Variants in C1orf87 observed in about 807,000 individuals in gnomAD.
C1orf87 encodes uncharacterized protein C1orf87.
C1orf87 carries 58 observed loss-of-function variants against 60.5 expected under a neutral mutation model. The ratio of observed to expected loss-of-function variants is 0.96; its 90% CI spans 0.78 to 1.19. The LOEUF (loss-of-function observed/expected upper bound fraction) is 1.19. Among genes scored for constraint, C1orf87 ranks in the 50% most tolerant of loss-of-function variants. The pLI, the probability that C1orf87 is intolerant of heterozygous loss-of-function variation, is 0.00. For synonymous variants in C1orf87, 236 were observed against 227.4 expected (o/e 1.04, Z -0.34); for missense variants, 673 against 638.6 (o/e 1.05, Z -0.58).
intron 7 of C1orf87, among the ~76,000 whole-genome samples, chr1:60,029,704 G>T (rs970780764): frequency 4.1e-5 from 6 of 145,012 alleles, no homozygotes; most frequent in African/African-American, 7.7e-5. Context: ...GCAGTGGCAG[G>T]ATCTCAGCTT....
At chr1:59,994,060 T>C (rs1474242467) in intron 11 of C1orf87, among the ~76,000 whole-genome samples, 1 of 152,130 alleles carries the variant, frequency 6.6e-6, no homozygotes, top group African/African-American at 2.4e-5. Context: ...CACCCCACCA[T>C]AAGAACATTT....
At position 60,054,725 on chromosome 1, in the gene C1orf87, G is replaced by A. The variant is rs573697192; in HGVS notation, c.342+479C>T. Among the ~76,000 whole-genome samples, 3 of 152,256 alleles carry A rather than the reference G, an allele frequency of 2.0e-5. No homozygotes were observed. The South Asian group carries it at 6.2e-4, about 32-fold the overall frequency. On this transcript the variant is annotated intron_variant, in intron 3 of 11. Coordinates refer to ENST00000371201, the MANE Select transcript of C1orf87 (RefSeq NM_152377.3). ...TCATCAAGTTAGTTTGTTATGAATT[G>A]TTTGGTTGATTGTTAACAGAGTGCA...
intron 2 of C1orf87, among the ~76,000 whole-genome samples, chr1:60,057,746 C>T (rs185821461): frequency 2.6e-4 from 40 of 152,132 alleles, no homozygotes; most frequent in Admixed American, 5.2e-4. Context: ...TGGGTCTCAT[C>T]GGGGAAATGA....
At chr1:59,994,316 T>C (rs191249324) in intron 11 of C1orf87, among the ~76,000 whole-genome samples, 26 of 152,076 alleles carry the variant, frequency 1.7e-4, no homozygotes, top group Admixed American at 1.7e-3. Context: ...TAGTATGTCA[T>C]GGGACTGGGT....
chr1:60,048,102 T>C (rs1449158416), intron 3 of C1orf87, among the ~76,000 whole-genome samples: 2 of 152,196 alleles, frequency 1.3e-5, no homozygotes, highest in African/African-American at 4.8e-5. Flanking sequence ...TGGAATACTG[T>C]GGAAGTGATG....
At chr1:60,042,684 C>G (rs1478634666) in intron 3 of C1orf87, among the ~76,000 whole-genome samples, 1 of 152,190 alleles carries the variant, frequency 6.6e-6, no homozygotes, top group East Asian at 1.9e-4. Context: ...GTAGGTAGTA[C>G]TAGCAACCTT....
intron 4 of C1orf87, among the ~76,000 whole-genome samples, chr1:60,040,755 A>ATT (rs34709077): frequency 0.018 from 2,443 of 132,100 alleles, 89 homozygotes; most frequent in African/African-American, 0.064. Context: ...ACTGTCTTTA[A>ATT]TTTTTTTTTT....
intron 8 of C1orf87, among the ~76,000 whole-genome samples, chr1:60,014,018 T>C (rs1221966894): frequency 1.3e-5 from 2 of 152,176 alleles, no homozygotes; most frequent in Non-Finnish European, 2.9e-5. Context: ...TTATCAGATA[T>C]TACCTTCATC....
intron 3 of C1orf87, among the ~76,000 whole-genome samples, chr1:60,049,654 A>G (rs571968922): frequency 6.6e-6 from 1 of 152,238 alleles, no homozygotes; most frequent in African/African-American, 2.4e-5. Context: ...GTCACAGTTA[A>G]GAAAGTTTCC....
At chr1:60,007,406 A>G (rs1041181005) in intron 9 of C1orf87, among the ~76,000 whole-genome samples, 1 of 152,086 alleles carries the variant, frequency 6.6e-6, no homozygotes, top group African/African-American at 2.4e-5. Flanking sequence ...CCTTTTATAG[A>G]TTCAAATTCT....
rs1645254363 is a variant in C1orf87 at position 60,033,565 on chromosome 1, T to C, written c.940A>G (p.Thr314Ala). The C allele has an allele frequency of 1.2e-6, 2 of 1,613,728 alleles. No individual in the cohort carries two copies. Among genetic ancestry groups the C allele is most frequent in the Non-Finnish European group, 8.5e-7 (1 of 1,179,782 alleles). Residue 314 changes from threonine (T) to alanine (A), a missense_variant, in exon 7 of 12, where the codon ACA becomes GCA. Transcript: ENST00000371201. The stretch of plus-strand genomic sequence containing the variant: ...TCTATGTTGAGTCTGCCATTGGTTG[T>C]CCTTAGTGCCATCTTCAAAATCTCC... ...LLEILKMALR[T>A]TNGRLNIDNL...
intron 5 of C1orf87, 140 bp from the exon 6 acceptor site, chr1:60,038,247 G>A: frequency 2.0e-6 from 1 of 498,328 alleles, no homozygotes; most frequent in Non-Finnish European, 3.6e-6. Context: ...CATAATTATT[G>A]GTGCTTTTTA....
At chr1:60,063,247 G>A (rs542534789) in intron 2 of C1orf87, among the ~76,000 whole-genome samples, 3 of 152,126 alleles carry the variant, frequency 2.0e-5, no homozygotes, top group South Asian at 2.1e-4. Flanking sequence ...TTGATCAGTT[G>A]TTTCTAAAAA....
At chr1:60,028,181 A>G (rs963183734) in intron 7 of C1orf87, among the ~76,000 whole-genome samples, 2 of 152,206 alleles carry the variant, frequency 1.3e-5, no homozygotes, top group African/African-American at 4.8e-5. Flanking sequence ...TTACTCCATA[A>G]ATAAGAACTG....
chr1:60,053,294 A>G (rs902242783), intron 3 of C1orf87, among the ~76,000 whole-genome samples: 1 of 152,214 alleles, frequency 6.6e-6, no homozygotes, highest in Non-Finnish European at 1.5e-5. Flanking sequence ...AGGACCTAGA[A>G]CCTGGGCTTG....
At chr1:60,035,343 T>C (rs74508359) in intron 6 of C1orf87, among the ~76,000 whole-genome samples, 3 of 152,222 alleles carry the variant, frequency 2.0e-5, no homozygotes, top group African/African-American at 4.8e-5. Flanking sequence ...GGGCAGGTGT[T>C]GTATGGAACC....
In C1orf87 at chr1:59,997,658, C is replaced by G; in HGVS notation, c.1431G>C (p.Arg477Ser). The G allele has an allele frequency of 6.2e-7, 1 of 1,613,950 alleles. No individual in the cohort carries two copies. The highest frequency in any genetic ancestry group is 1.3e-5 in the African/African-American group (1 of 75,008). The change falls in exon 11 of 12, where the codon AGG (arginine) becomes AGC (serine). Residue 477 changes from arginine to serine, a missense_variant. Coordinates refer to ENST00000371201, the MANE Select transcript of C1orf87 (RefSeq NM_152377.3). ...KAEECETWID[R>S]FRKLENALYL... ...AGAGGGCATTTTCCAGCTTCCTGAACCTGTCTATCCACGTCTCACATTCCT... is the reference window on the plus strand; with the variant it reads ...AGAGGGCATTTTCCAGCTTCCTGAAGCTGTCTATCCACGTCTCACATTCCT...
Position 60,025,454 on chromosome 1 carries a change from G to C in C1orf87, c.1074C>G (p.Ser358Arg). ...CGKHGLYLTLSLLETLLNHQD... is the reference protein window; with the variant it reads ...CGKHGLYLTLRLLETLLNHQD... ...GATGGTTAAGCAATGTTTCCAGCAGGCTCAGGGTCAGATATAATCCATGCT... is the reference window on the plus strand; with the variant it reads ...GATGGTTAAGCAATGTTTCCAGCAGCCTCAGGGTCAGATATAATCCATGCT... The change falls in exon 8 of 12, where the codon AGC becomes AGG. Residue 358 changes from serine (S) to arginine (R), a missense_variant. By Grantham distance (110) the Ser-to-Arg change is moderately radical. Transcript: ENST00000371201. The C allele has an allele frequency of 6.2e-7, 1 of 1,612,928 alleles. No individual in the cohort carries two copies. The highest frequency in any genetic ancestry group is 8.5e-7 in the Non-Finnish European group (1 of 1,179,434).
intron 9 of C1orf87, among the ~76,000 whole-genome samples, chr1:60,004,401 CAGAGA>C (rs970453903): frequency 6.6e-6 from 1 of 151,980 alleles, no homozygotes; most frequent in Non-Finnish European, 1.5e-5. Flanking sequence ...CGAGCTTCCC[CAGAGA>C]AGAGAAACTA....
Sources: allele counts gnomAD v4.1 joint callset (sites outside exome capture counted in the v4.1 genomes callset), GRCh38; gene constraint gnomAD v4.1.1; transcripts MANE v1.5; gene names NCBI Gene and HGNC (gene_info 2026-07-23, HGNC 2026-07-21).